The following ATF7IP variants were observed in gnomAD, a reference collection of about 807,000 sequenced individuals.
The protein encoded by ATF7IP is activating transcription factor 7-interacting protein 1.
A neutral mutation model predicts 106.4 loss-of-function variants in ATF7IP; 23 were observed. That is an observed-to-expected ratio of 0.22 (90% CI 0.16 to 0.31). The LOEUF (loss-of-function observed/expected upper bound fraction) is 0.31. Ranked by LOEUF, ATF7IP falls within the 10% of genes least tolerant of loss-of-function variation. ATF7IP has a pLI of 1.00. For synonymous variants in ATF7IP, 542 were observed against 539.0 expected, an observed-to-expected ratio of 1.01 and a Z score of -0.08; for missense variants, 1,334 against 1,524.3, an observed-to-expected ratio of 0.88 and a Z score of 2.08.
chr12:14,399,675 T>C (rs1194507014), intron 1 of ATF7IP, among the ~76,000 whole-genome samples: 1 of 152,144 alleles, frequency 6.6e-6, no homozygotes, highest in Non-Finnish European at 1.5e-5. Context: ...TGGGTATATT[T>C]CTTATGTGTT....
chr12:14,384,311 G>A (rs1939121013), intron 1 of ATF7IP, among the ~76,000 whole-genome samples: 2 of 152,158 alleles, frequency 1.3e-5, no homozygotes, highest in African/African-American at 4.8e-5. Flanking sequence ...ATGTGAACAG[G>A]TTCTCTCTGT....
At position 14,424,988 on chromosome 12, in the gene ATF7IP, C is replaced by T; in HGVS notation, c.1073C>T (p.Thr358Ile). Residue 358 changes from threonine (T) to isoleucine (I), a missense_variant, in exon 2 of 15, where the codon ACT becomes ATT. Transcript: ENST00000261168. ...NEETLETDDT[T>I]ICSDRPPENE... ...GAAACTCTAGAAACAGATGATACAACTATTTGTTCAGATCGACCTCCTGAA... is the reference window on the plus strand; with the variant it reads ...GAAACTCTAGAAACAGATGATACAATTATTTGTTCAGATCGACCTCCTGAA... 6.2e-7 allele frequency: 1 copy of T among 1,610,926 alleles called. No individual in the cohort carries two copies. The highest frequency in any genetic ancestry group is 8.5e-7 in the Non-Finnish European group (1 of 1,179,238).
chr12:14,478,221 A>C (rs1944318888), intron 11 of ATF7IP, 96 bp from the exon 12 acceptor site: 2 of 1,143,478 alleles, frequency 1.7e-6, no homozygotes, highest in South Asian at 1.4e-5. Flanking sequence ...TGTGACACAC[A>C]AGTGGCAAGC....
intron 8 of ATF7IP, among the ~76,000 whole-genome samples, chr12:14,460,265 A>T (rs957695721): frequency 2.0e-5 from 3 of 152,162 alleles, no homozygotes; most frequent in African/African-American, 7.2e-5. Context: ...CATATTAATC[A>T]TCGATCATGT....
intron 1 of ATF7IP, among the ~76,000 whole-genome samples, chr12:14,412,222 C>T (rs1364949320): frequency 1.3e-5 from 2 of 152,060 alleles, no homozygotes; most frequent in African/African-American, 4.8e-5. Context: ...TATGAGTTCT[C>T]CAAGTTTATT....
intron 1 of ATF7IP, among the ~76,000 whole-genome samples, chr12:14,415,965 T>C (rs1941182720): frequency 1.3e-5 from 2 of 152,154 alleles, no homozygotes; most frequent in Admixed American, 1.3e-4. Context: ...CAAATACTGA[T>C]GGACATGGTA....
At position 14,498,479 on chromosome 12, in the gene ATF7IP, T is replaced by A. The variant is rs761128415; in HGVS notation, c.*406T>A. On this transcript the variant is annotated 3_prime_UTR_variant, in exon 15 of 15. Transcript: ENST00000261168. ...CTGGCATGATTCTGCTTTTGAAGGA[T>A]CTATAGTATCATTTTAGTTAAGTGG... 1 of 162,474 alleles carries A rather than the reference T, an allele frequency of 6.2e-6. No individual in the cohort carries two copies. Among genetic ancestry groups the A allele is most frequent in the Non-Finnish European group, 1.3e-5 (1 of 75,130 alleles). 10.1% of individuals were successfully genotyped at this position (162,474 alleles called of 1,614,324 possible).
At chr12:14,383,589 T>C (rs1458243656) in intron 1 of ATF7IP, among the ~76,000 whole-genome samples, 1 of 152,212 alleles carries the variant, frequency 6.6e-6, no homozygotes, top group African/African-American at 2.4e-5. Context: ...GATCTGGCTC[T>C]GTTGACTAGG....
rs975733173 is a variant in ATF7IP at position 14,501,114 on chromosome 12, G to A, written c.*3041G>A. 8.5e-5 allele frequency: 13 copies of A among 152,156 alleles called. No homozygotes were observed. Among genetic ancestry groups the A allele is most frequent in the African/African-American group, 2.7e-4 (11 of 41,440 alleles). The allele number at this position is 152,156 out of a possible 1,614,324, so 9.4% of individuals were successfully genotyped here. A position where few individuals can be genotyped will look rare whatever the true frequency, so the allele number is the denominator to read the frequency against. ...TTTTTGTTTGGTTTGTTTCTTCTGG[G>A]AGAGAATGGAGGACTTAAGTAGAAG... On this transcript the variant is annotated 3_prime_UTR_variant, in exon 15 of 15. Coordinates refer to ENST00000261168, the MANE Select transcript of ATF7IP (RefSeq NM_018179.5).
chr12:14,366,552 G>C (rs928262159), intron 1 of ATF7IP, among the ~76,000 whole-genome samples: 4 of 152,150 alleles, frequency 2.6e-5, no homozygotes, highest in Admixed American at 2.0e-4. Flanking sequence ...GATTATTTTG[G>C]TTTTAAATGT....
rs563265060 is a variant in ATF7IP, at chr12:14,469,052, T to C, written c.2862+2462T>C. Among the ~76,000 whole-genome samples the C allele has an allele frequency of 1.4e-4, 22 of 152,240 alleles. 2 individuals are homozygous for C. In the South Asian group the frequency reaches 3.7e-3, roughly 26 times the overall value. ...TACTTAGTTGTACTTGTTAACACTTTAAGGTTATTTAGATCAGAAGAAATC... is the reference window on the plus strand; with the variant it reads ...TACTTAGTTGTACTTGTTAACACTTCAAGGTTATTTAGATCAGAAGAAATC... On this transcript the variant is annotated intron_variant, in intron 10 of 14. Coordinates refer to ENST00000261168, the MANE Select transcript of ATF7IP (RefSeq NM_018179.5).
At chr12:14,431,131 G>A (rs1206958808) in intron 2 of ATF7IP, among the ~76,000 whole-genome samples, 1 of 152,080 alleles carries the variant, frequency 6.6e-6, no homozygotes, top group African/African-American at 2.4e-5. Flanking sequence ...TTTACTTAAT[G>A]GAACCTTATT....
intron 3 of ATF7IP, among the ~76,000 whole-genome samples, chr12:14,435,426 T>G (rs1942360010): frequency 6.6e-6 from 1 of 152,240 alleles, no homozygotes; most frequent in African/African-American, 2.4e-5. Context: ...GTTTAAAAAG[T>G]GTGAAGATAT....
intron 13 of ATF7IP, among the ~76,000 whole-genome samples, chr12:14,496,027 T>G (rs934226831): frequency 7.2e-5 from 11 of 152,210 alleles, no homozygotes; most frequent in African/African-American, 2.7e-4. Flanking sequence ...GAATTTTTTT[T>G]TAGTGCTTGC....
At position 14,375,222 on chromosome 12, in the gene ATF7IP, T is replaced by A. The variant is rs13328962; in HGVS notation, c.-8+9395T>A. Among the ~76,000 whole-genome samples the A allele has an allele frequency of 9.2e-3, 1,407 of 152,184 alleles. 27 individuals are homozygous for A. Among genetic ancestry groups the A allele is most frequent in the African/African-American group, 0.032 (1,350 of 41,548 alleles). On this transcript the variant is annotated intron_variant, in intron 1 of 14. Transcript: ENST00000261168. ...CACAGATGTCAGAACTTTTTTTTTT[T>A]AATCAAACATGTAATTTACTCAGAT...
chr12:14,436,657 A>G (rs1942412639), intron 4 of ATF7IP, among the ~76,000 whole-genome samples: 1 of 152,168 alleles, frequency 6.6e-6, no homozygotes. Flanking sequence ...ATGCCACTTC[A>G]CTCCAGCCTG....
chr12:14,370,758 G>T (rs1467642291), intron 1 of ATF7IP, among the ~76,000 whole-genome samples: 1 of 152,002 alleles, frequency 6.6e-6, no homozygotes. Context: ...ACAATATAAG[G>T]TTATATTTCT....
intron 11 of ATF7IP, among the ~76,000 whole-genome samples, chr12:14,476,781 A>T (rs1193795325): frequency 6.6e-6 from 1 of 152,176 alleles, no homozygotes; most frequent in East Asian, 1.9e-4. Flanking sequence ...TTATATAAAT[A>T]AAAATAGAAG....
At chr12:14,457,077 C>A (rs1943456511) in intron 7 of ATF7IP, 130 bp from the exon 8 acceptor site, 1 of 722,082 alleles carries the variant, frequency 1.4e-6, no homozygotes, top group South Asian at 1.7e-5. Context: ...TTTTTGCTTG[C>A]AGTTTAGGAT....
Sources: allele counts gnomAD v4.1 joint callset (sites outside exome capture counted in the v4.1 genomes callset), GRCh38; gene constraint gnomAD v4.1.1; transcripts MANE v1.5; gene names NCBI Gene and HGNC (gene_info 2026-07-23, HGNC 2026-07-21).